The following VPS13C variants were observed in gnomAD, a reference collection of about 807,000 sequenced individuals.
The protein encoded by VPS13C is vacuolar protein sorting 13 homolog C.
VPS13C carries 358 observed loss-of-function variants against 456.8 expected under a neutral mutation model. That is an observed-to-expected ratio of 0.78 (90% confidence interval 0.72 to 0.86). The LOEUF (loss-of-function observed/expected upper bound fraction) is 0.86. Among genes scored for constraint, VPS13C ranks in the 40% least tolerant of loss-of-function variants. VPS13C has a pLI of 0.00. For synonymous variants in VPS13C, 1,578 were observed against 1,486.7 expected (o/e 1.06, Z -1.41); for missense variants, 4,818 against 4,385.4 (o/e 1.10, Z -2.79).
intron 1 of VPS13C, among the ~76,000 whole-genome samples, chr15:62,047,396 C>T (rs1022452350): frequency 6.6e-6 from 1 of 151,712 alleles, no homozygotes. Flanking sequence ...TGAGATTGTG[C>T]CACTGCACTC....
chr15:62,015,517 G>A (rs1227805659), intron 9 of VPS13C, among the ~76,000 whole-genome samples: 3 of 150,336 alleles, frequency 2.0e-5, no homozygotes, highest in African/African-American at 7.4e-5. Flanking sequence ...CAAAGACTTG[G>A]AACCAACCCA....
At chr15:62,036,676 A>T (rs1022463101) in intron 3 of VPS13C, among the ~76,000 whole-genome samples, 1 of 152,030 alleles carries the variant, frequency 6.6e-6, no homozygotes, top group Admixed American at 6.6e-5. Flanking sequence ...AAAAAGTGGG[A>T]AACGTCCCTT....
chr15:61,934,370 A>G, intron 48 of VPS13C, 39 bp from the exon 49 acceptor site: 1 of 1,120,910 alleles, frequency 8.9e-7, no homozygotes, highest in South Asian at 2.1e-5. Flanking sequence ...GTAGGTACGT[A>G]ATTTTATAAA....
At chr15:61,989,192 A>T (rs2046148694) in intron 18 of VPS13C, among the ~76,000 whole-genome samples, 2 of 151,576 alleles carry the variant, frequency 1.3e-5, no homozygotes. Context: ...GGAGTTTGAG[A>T]CCAGCCTGGG....
chr15:61,866,035 T>G (rs1211424689), intron 81 of VPS13C: 1 of 984,362 alleles, frequency 1.0e-6, no homozygotes, highest in Non-Finnish European at 1.2e-6. Context: ...TTCCATGTTT[T>G]GTTTTACTCG....
rs995742954 is a variant in VPS13C, at chr15:61,961,681, A to G, written c.3816T>C (p.His1272=). The change falls in exon 35 of 85, where the codon CAT becomes CAC. Residue 1272 remains histidine, a synonymous_variant. Transcript: ENST00000644861. ...VVVDLGLIRV[H]NQFSLVSDED... ...CATCAGACACCAGACTGAACTGATT[A>G]TGAACTCTGATTAACCCAAGATCTA... The G allele has an allele frequency of 1.9e-6, 3 of 1,613,854 alleles. No homozygotes were observed. Among genetic ancestry groups the G allele is most frequent in the Admixed American group, 3.3e-5 (2 of 59,990 alleles).
chr15:61,879,782 T>C (rs1895717451), intron 73 of VPS13C, among the ~76,000 whole-genome samples: 1 of 152,100 alleles, frequency 6.6e-6, no homozygotes, highest in Non-Finnish European at 1.5e-5. Flanking sequence ...AGAAATGGTA[T>C]ATTACCTATC....
chr15:62,055,755 G>A (rs951542833), intron 1 of VPS13C, among the ~76,000 whole-genome samples: 1 of 151,992 alleles, frequency 6.6e-6, no homozygotes, highest in African/African-American at 2.4e-5. Context: ...TACAGATTTC[G>A]TTAAGAGTAA....
chr15:61,933,730 C>A (rs2140232599), intron 49 of VPS13C, among the ~76,000 whole-genome samples: 1 of 152,110 alleles, frequency 6.6e-6, no homozygotes, highest in Non-Finnish European at 1.5e-5. Flanking sequence ...CTCTTCAATT[C>A]TTTAATTAGT....
At chr15:61,960,899 AAC>A (rs1483318532) in intron 35 of VPS13C, among the ~76,000 whole-genome samples, 2 of 152,010 alleles carry the variant, frequency 1.3e-5, no homozygotes, top group African/African-American at 4.8e-5. Flanking sequence ...AACATGGTGA[AAC>A]CCCATCTCTA....
At position 61,909,015 on chromosome 15, in the gene VPS13C, C is replaced by G; in HGVS notation, c.8955G>C (p.Trp2985Cys). 6.2e-7 allele frequency: 1 copy of G among 1,612,794 alleles called. No individual in the cohort carries two copies. Among genetic ancestry groups the G allele is most frequent in the Non-Finnish European group, 8.5e-7 (1 of 1,179,408 alleles). Residue 2985 changes from tryptophan to cysteine, a missense_variant, in exon 65 of 85, where the codon TGG (tryptophan) becomes TGC (cysteine). Physicochemically the swap from Trp to Cys is radical, Grantham distance 215. Coordinates refer to ENST00000644861, the MANE Select transcript of VPS13C (RefSeq NM_020821.3). ...ACCTCTGTTTGTATGTGAGGATGTCCCATGGTGTATGGTTCATTATCAAGG... is the reference window on the plus strand; with the variant it reads ...ACCTCTGTTTGTATGTGAGGATGTCGCATGGTGTATGGTTCATTATCAAGG... ...APALIMNHTPWDILTYKQSGS... is the reference protein window; with the variant it reads ...APALIMNHTPCDILTYKQSGS...
intron 9 of VPS13C, among the ~76,000 whole-genome samples, chr15:62,015,454 C>A (rs1007510952): frequency 1.3e-5 from 2 of 151,820 alleles, no homozygotes; most frequent in Admixed American, 6.6e-5. Context: ...AATGGTAATG[C>A]CTAGGTTTTC....
chr15:61,877,296 T>C lies in VPS13C; in HGVS notation c.10143-242A>G, dbSNP rs570218076. Among the ~76,000 whole-genome samples the C allele has an allele frequency of 6.2e-4, 94 of 152,014 alleles. 1 individual carries two copies. Among genetic ancestry groups the C allele is most frequent in the South Asian group, 5.2e-3 (25 of 4,824 alleles). On this transcript the variant is annotated intron_variant, in intron 74 of 84. Coordinates refer to ENST00000644861, the MANE Select transcript of VPS13C (RefSeq NM_020821.3). ...AAAAGTCAACCATCATCCCATCACA[T>C]AGTGGATTTTAAAGGTTTATTTTCG...
chr15:61,892,405 A>C (rs2042679695), intron 66 of VPS13C, among the ~76,000 whole-genome samples: 1 of 152,162 alleles, frequency 6.6e-6, no homozygotes, highest in Non-Finnish European at 1.5e-5. Flanking sequence ...AATGTTTCAG[A>C]GAACTGAGGC....
In VPS13C at chr15:61,920,190, C is replaced by T. The variant is rs749892637; in HGVS notation, c.7354G>A (p.Asp2452Asn). ...LRVMGFPEKS[D>N]IFDVDAGQNL... ...TGGCCAGCATCAACATCAAAAATAT[C>T]ACTTTTCTCAGGGAAGCCCATTACT... Residue 2452 changes from aspartate (D) to asparagine (N), a missense_variant, in exon 57 of 85, where the codon GAT becomes AAT. By Grantham distance (23) the Asp-to-Asn change is conservative. Transcript: ENST00000644861. The T allele has an allele frequency of 8.1e-6, 13 of 1,613,604 alleles. No homozygotes were observed. In the South Asian group the frequency reaches 9.9e-5, roughly 12 times the overall value.
rs979350652 is a variant in VPS13C, at chr15:62,033,068, C to T, written c.385+373G>A. Among the ~76,000 whole-genome samples, 10 of 151,722 alleles carry T rather than the reference C, an allele frequency of 6.6e-5. No individual in the cohort carries two copies. The South Asian group carries it at 2.1e-3, about 32-fold the overall frequency. On this transcript the variant is annotated intron_variant, in intron 5 of 84. Coordinates refer to ENST00000644861, the MANE Select transcript of VPS13C (RefSeq NM_020821.3). ...TCCTCTAAACATCATTTCACTATAG[C>T]ATTATGCTTAACCTCATTATCCAGC... is the stretch of plus-strand genomic sequence containing the variant.
intron 58 of VPS13C, among the ~76,000 whole-genome samples, chr15:61,918,828 A>G (rs2043556102): frequency 6.6e-6 from 1 of 152,120 alleles, no homozygotes; most frequent in Non-Finnish European, 1.5e-5. Context: ...ATAAAACCTT[A>G]AAAGTAGAAA....
intron 61 of VPS13C, among the ~76,000 whole-genome samples, chr15:61,914,856 G>A (rs539388614): frequency 4.1e-5 from 5 of 120,734 alleles, no homozygotes; most frequent in Admixed American, 1.1e-4. Flanking sequence ...ATAAGCCACC[G>A]AGCCTGGCCA....
chr15:62,038,050 G>C (rs77273313), intron 3 of VPS13C, among the ~76,000 whole-genome samples: 1 of 152,194 alleles, frequency 6.6e-6, no homozygotes, highest in Admixed American at 6.5e-5. Context: ...GTGATATAGC[G>C]TAATAGCAGG....
Sources: allele counts gnomAD v4.1 joint callset (sites outside exome capture counted in the v4.1 genomes callset), GRCh38; gene constraint gnomAD v4.1.1; transcripts MANE v1.5; gene names NCBI Gene and HGNC (gene_info 2026-07-23, HGNC 2026-07-21).